Variants in PREP observed in about 807,000 individuals in gnomAD.
PREP encodes dJ355L5.1 (prolyl endopeptidase).
A neutral mutation model predicts 87.6 loss-of-function variants in PREP; 29 were observed. The observed-to-expected ratio is 0.33, with a 90% CI of 0.25 to 0.45. PREP has a LOEUF of 0.45. Among genes scored for constraint, PREP ranks in the 20% least tolerant of loss-of-function variants. The pLI, the probability that PREP is intolerant of heterozygous loss-of-function variation, is 1.00. For synonymous variants in PREP, 337 were observed against 328.6 expected, an observed-to-expected ratio of 1.03 and a Z score of -0.28; for missense variants, 695 against 886.5, an observed-to-expected ratio of 0.78 and a Z score of 2.74.
At chr6:105,396,910 G>A (rs12210247) in intron 2 of PREP, among the ~76,000 whole-genome samples, 8,769 of 152,114 alleles carry the variant, frequency 0.058, 323 homozygotes, top group South Asian at 0.19. Context: ...TGGGCTGGGC[G>A]CGATGGTGCA....
At chr6:105,344,347 C>T (rs1243793681) in intron 7 of PREP, among the ~76,000 whole-genome samples, 1 of 152,058 alleles carries the variant, frequency 6.6e-6, no homozygotes, top group African/African-American at 2.4e-5. Context: ...AAAAAATTAG[C>T]CAGGCGTGGT....
chr6:105,282,512 T>G lies in PREP; in HGVS notation c.1620A>C (p.Glu540Asp). ...FQCAAEYLIK[E>D]GYTSPKRLTI... ...TCAGCCTCTTGGGAGATGTGTAACC[T>G]TCCTTGATCAGATACTCAGCAGCAC... The change falls in exon 13 of 15, where the codon GAA becomes GAC. Residue 540 changes from glutamate to aspartate, a missense_variant. Transcript: ENST00000652536. 1 of 1,614,186 alleles carries G rather than the reference T, an allele frequency of 6.2e-7. No homozygotes were observed. Among genetic ancestry groups the G allele is most frequent in the Non-Finnish European group, 8.5e-7 (1 of 1,180,022 alleles).
chr6:105,322,355 T>C, intron 10 of PREP: 8 of 934,460 alleles, frequency 8.6e-6, no homozygotes, highest in Non-Finnish European at 7.6e-6. Context: ...TATCTCTTAA[T>C]AATCCCACAG....
chr6:105,340,100 CAAGGTTGA>C (rs139370207), intron 7 of PREP, among the ~76,000 whole-genome samples: 17,266 of 151,798 alleles, frequency 0.11, 1,509 homozygotes, highest in African/African-American at 0.25. Flanking sequence ...TCAGATTCAC[CAAGGTTGA>C]AATGAAGGAA....
At chr6:105,306,431 C>A (rs1149313) in intron 10 of PREP, among the ~76,000 whole-genome samples, 25,162 of 151,388 alleles carry the variant, frequency 0.17, 3,769 homozygotes, top group African/African-American at 0.41. Flanking sequence ...CTGTAAGGAA[C>A]CCCTTCATTC....
At chr6:105,366,732 T>C (rs969384649) in intron 6 of PREP, among the ~76,000 whole-genome samples, 6 of 148,726 alleles carry the variant, frequency 4.0e-5, no homozygotes, top group Admixed American at 1.3e-4. Flanking sequence ...CACACACACA[T>C]GGAATATTGT....
chr6:105,371,346 T>C (rs770322278), intron 5 of PREP, among the ~76,000 whole-genome samples: 63 of 151,298 alleles, frequency 4.2e-4, no homozygotes, highest in African/African-American at 1.4e-3. Context: ...CTACTAAAAA[T>C]ACAAAAAAAA....
At chr6:105,400,864 C>T (rs1436453213) in intron 1 of PREP, among the ~76,000 whole-genome samples, 1 of 152,180 alleles carries the variant, frequency 6.6e-6, no homozygotes, top group African/African-American at 2.4e-5. Flanking sequence ...TACCGCAATG[C>T]CCAGCTGATG....
At chr6:105,395,108 A>T (rs922050503) in intron 2 of PREP, among the ~76,000 whole-genome samples, 1 of 152,218 alleles carries the variant, frequency 6.6e-6, no homozygotes, top group Non-Finnish European at 1.5e-5. Flanking sequence ...GCCATGGTAG[A>T]ATATGAAGTC....
intron 7 of PREP, among the ~76,000 whole-genome samples, chr6:105,341,281 A>G (rs528065131): frequency 9.8e-5 from 15 of 152,350 alleles, no homozygotes; most frequent in African/African-American, 3.4e-4. Flanking sequence ...CTGCTCTTCA[A>G]TGACTACTGG....
At chr6:105,321,620 T>C (rs374450088) in intron 10 of PREP, among the ~76,000 whole-genome samples, 2 of 151,786 alleles carry the variant, frequency 1.3e-5, no homozygotes, top group Non-Finnish European at 2.9e-5. Context: ...ATTATCAGAA[T>C]AGGAAAAAAA....
At chr6:105,300,623 T>C (rs1441469736) in intron 10 of PREP, among the ~76,000 whole-genome samples, 2 of 146,818 alleles carry the variant, frequency 1.4e-5, no homozygotes, top group Admixed American at 1.4e-4. Flanking sequence ...TGCTTTATGT[T>C]AAAAAAAAAA....
intron 2 of PREP, among the ~76,000 whole-genome samples, chr6:105,392,068 G>A (rs1001681881): frequency 1.7e-4 from 24 of 142,700 alleles, no homozygotes; most frequent in African/African-American, 3.1e-4. Context: ...TTTTTGAGAC[G>A]GAGTCTGGCT....
intron 2 of PREP, among the ~76,000 whole-genome samples, chr6:105,387,216 CA>C (rs60303469): frequency 6.9e-6 from 1 of 144,604 alleles, no homozygotes; most frequent in Non-Finnish European, 1.5e-5. Flanking sequence ...GCCTCCATCT[CA>C]AAAAAAAAAC....
intron 8 of PREP, among the ~76,000 whole-genome samples, chr6:105,331,687 C>T (rs534173145): frequency 1.3e-5 from 2 of 152,282 alleles, no homozygotes; most frequent in East Asian, 3.9e-4. Flanking sequence ...AGCCATCAGG[C>T]TATCAAAGTG....
chr6:105,402,418 T>TCACACACACACACACACACA (rs36086068), intron 1 of PREP, among the ~76,000 whole-genome samples: 35 of 147,218 alleles, frequency 2.4e-4, no homozygotes, highest in African/African-American at 8.1e-4. Flanking sequence ...AAATGTGACA[T>TCACACACACACACACACACA]CACACACACA....
At chr6:105,290,801 T>A (rs1770283388) in intron 10 of PREP, among the ~76,000 whole-genome samples, 1 of 152,160 alleles carries the variant, frequency 6.6e-6, no homozygotes, top group Non-Finnish European at 1.5e-5. Context: ...TATCCAAGCT[T>A]TAAGTTGGTG....
intron 7 of PREP, among the ~76,000 whole-genome samples, chr6:105,336,709 C>T (rs981478034): frequency 2.6e-5 from 4 of 152,198 alleles, no homozygotes; most frequent in African/African-American, 4.8e-5. Context: ...TGCCTTCAAA[C>T]AGGCATTTTC....
intron 8 of PREP, among the ~76,000 whole-genome samples, chr6:105,330,025 T>A (rs948724947): frequency 6.6e-6 from 1 of 151,634 alleles, no homozygotes; most frequent in African/African-American, 2.4e-5. Flanking sequence ...GGGAAAGGAA[T>A]AGAAAGGACA....
Sources: allele counts gnomAD v4.1 joint callset (sites outside exome capture counted in the v4.1 genomes callset), GRCh38; gene constraint gnomAD v4.1.1; transcripts MANE v1.5; gene names NCBI Gene and HGNC (gene_info 2026-07-23, HGNC 2026-07-21).